The following SPRED1 variants were observed in gnomAD, a reference collection of about 807,000 sequenced individuals.
The protein encoded by SPRED1 is sprouty related EVH1 domain containing 1, also known as sprouty-related, EVH1 domain-containing protein 1.
In SPRED1, 18 loss-of-function variants were observed where a neutral mutation model predicts 52.3. The observed-to-expected ratio is 0.34, with a 90% CI of 0.24 to 0.51. SPRED1 has a LOEUF of 0.51. Ranked by LOEUF, SPRED1 falls within the 20% of genes least tolerant of loss-of-function variation. SPRED1 has a pLI of 0.97. For synonymous variants in SPRED1, 155 were observed against 179.7 expected (o/e 0.86, Z 1.10); for missense variants, 485 against 551.0 (o/e 0.88, Z 1.20).
intron 1 of SPRED1, among the ~76,000 whole-genome samples, chr15:38,291,143 G>A (rs1032026076): frequency 2.0e-5 from 3 of 152,116 alleles, no homozygotes; most frequent in African/African-American, 7.2e-5. Flanking sequence ...AAAATAAAGG[G>A]GATACAGGGC....
intron 5 of SPRED1, among the ~76,000 whole-genome samples, chr15:38,346,935 T>C (rs1383247622): frequency 1.3e-5 from 2 of 152,198 alleles, no homozygotes; most frequent in African/African-American, 4.8e-5. Flanking sequence ...TATGGCCTTG[T>C]TACTAGGTAA....
At chr15:38,289,781 T>C (rs1055408064) in intron 1 of SPRED1, among the ~76,000 whole-genome samples, 2 of 152,206 alleles carry the variant, frequency 1.3e-5, no homozygotes, top group African/African-American at 2.4e-5. Flanking sequence ...CTGTTTTCTC[T>C]TTTAGAGCTT....
At chr15:38,280,394 C>G (rs1430913449) in intron 1 of SPRED1, among the ~76,000 whole-genome samples, 1 of 152,056 alleles carries the variant, frequency 6.6e-6, no homozygotes, top group Non-Finnish European at 1.5e-5. Flanking sequence ...GATTATTTAG[C>G]TTATAGATGA....
chr15:38,266,837 GAAA>G (rs10711288), intron 1 of SPRED1, among the ~76,000 whole-genome samples: 1 of 150,420 alleles, frequency 6.6e-6, no homozygotes, highest in East Asian at 1.9e-4. Flanking sequence ...GAGCCAAAAA[GAAA>G]AAAAAAAAAT....
At chr15:38,323,194 T>C (rs1400624074) in intron 3 of SPRED1, among the ~76,000 whole-genome samples, 2 of 152,090 alleles carry the variant, frequency 1.3e-5, no homozygotes, top group Non-Finnish European at 2.9e-5. Context: ...TCTGAAAACA[T>C]AAACTGTGAG....
At chr15:38,306,204 A>G (rs1039120209) in intron 2 of SPRED1, among the ~76,000 whole-genome samples, 4 of 152,108 alleles carry the variant, frequency 2.6e-5, no homozygotes, top group Admixed American at 2.0e-4. Flanking sequence ...AATCATTTCC[A>G]TGGTATTTCC....
intron 6 of SPRED1, 138 bp downstream of exon 6, chr15:38,349,661 C>A: frequency 1.6e-6 from 1 of 638,912 alleles, no homozygotes; most frequent in Non-Finnish European, 2.8e-6. Context: ...TGCCTATGTG[C>A]TTAAACGCTG....
chr15:38,339,839 T>C lies in SPRED1; in HGVS notation c.526T>C (p.Ser176Pro). Residue 176 changes from serine to proline, a missense_variant, in exon 5 of 7, where the codon TCT becomes CCT. Ser to Pro is a moderately conservative substitution (Grantham distance 74, BLOSUM62 -1). Around this residue, in one of 5 missense-constraint regions of SPRED1, gnomAD observed 232 missense variants for 231.8 expected, o/e 1.00. Coordinates refer to ENST00000299084, the MANE Select transcript of SPRED1 (RefSeq NM_152594.3). ...EPYRSSNIRP[S>P]PFEDLNARRV... Reference sequence around the variant, plus strand: ...TTATAGAAGCTCAAATATAAGACCTTCTCCCTTTGAAGATCTGAATGCCAG... The same window carrying C: ...TTATAGAAGCTCAAATATAAGACCTCCTCCCTTTGAAGATCTGAATGCCAG... 6.2e-7 allele frequency: 1 copy of C among 1,613,942 alleles called. No individual in the cohort carries two copies. The highest frequency in any genetic ancestry group is 8.5e-7 in the Non-Finnish European group (1 of 1,179,926).
intron 1 of SPRED1, among the ~76,000 whole-genome samples, chr15:38,273,702 A>G (rs1179017594): frequency 6.6e-6 from 1 of 152,160 alleles, no homozygotes; most frequent in Non-Finnish European, 1.5e-5. Flanking sequence ...GCTAAATGAT[A>G]ATTAGCCCAG....
intron 1 of SPRED1, among the ~76,000 whole-genome samples, chr15:38,284,723 T>C (rs2140967381): frequency 6.6e-6 from 1 of 152,326 alleles, no homozygotes; most frequent in African/African-American, 2.4e-5. Flanking sequence ...ATTCCTTGAG[T>C]AAACCTTCTG....
intron 2 of SPRED1, among the ~76,000 whole-genome samples, chr15:38,308,179 C>A (rs1159570555): frequency 1.3e-5 from 2 of 152,154 alleles, no homozygotes; most frequent in African/African-American, 4.8e-5. Flanking sequence ...AAATGTCTCA[C>A]AGACTTTTTA....
At chr15:38,286,542 C>CTTTTTTTTTTTTTT (rs34939270) in intron 1 of SPRED1, among the ~76,000 whole-genome samples, 1 of 147,934 alleles carries the variant, frequency 6.8e-6, no homozygotes, top group African/African-American at 2.5e-5. Context: ...TTACTTATGG[C>CTTTTTTTTTTTTTT]TTTTTTTTTT....
In SPRED1 at chr15:38,352,917, A is replaced by G. The variant is rs1888524652; in HGVS notation, c.*1253A>G. On this transcript the variant is annotated 3_prime_UTR_variant, in exon 7 of 7. Transcript: ENST00000299084. The stretch of plus-strand genomic sequence containing the variant: ...ACATTGTAAATGAAGTATCTTGTAC[A>G]TATAAATTTATTTCTTTTGCAGAGC... 1 of 152,170 alleles carries G rather than the reference A, an allele frequency of 6.6e-6. No individual in the cohort carries two copies. The highest frequency in any genetic ancestry group is 1.5e-5 in the Non-Finnish European group (1 of 67,966). 9.4% of individuals were successfully genotyped at this position (152,170 alleles called of 1,614,324 possible). A position where few individuals can be genotyped will look rare whatever the true frequency, so the allele number is the denominator to read the frequency against.
At chr15:38,331,880 TAATA>T (rs1895813530) in intron 4 of SPRED1, among the ~76,000 whole-genome samples, 1 of 152,146 alleles carries the variant, frequency 6.6e-6, no homozygotes, top group Non-Finnish European at 1.5e-5. Flanking sequence ...TAGGAACTAA[TAATA>T]AATAATACAA....
chr15:38,324,218 T>C (rs1197703848), intron 3 of SPRED1, among the ~76,000 whole-genome samples: 1 of 152,164 alleles, frequency 6.6e-6, no homozygotes, highest in African/African-American at 2.4e-5. Context: ...ATTAATTTAT[T>C]GAAACTAAAG....
chr15:38,278,795 G>T (rs1013040051), intron 1 of SPRED1, among the ~76,000 whole-genome samples: 1 of 144,676 alleles, frequency 6.9e-6, no homozygotes, highest in African/African-American at 2.5e-5. Flanking sequence ...TACATGTTCA[G>T]TACAAACACA....
chr15:38,316,132 CAT>C (rs1895474980), intron 2 of SPRED1, among the ~76,000 whole-genome samples: 1 of 151,978 alleles, frequency 6.6e-6, no homozygotes, highest in Admixed American at 6.6e-5. Flanking sequence ...ACTTTTCACT[CAT>C]ATAAAAATCA....
At chr15:38,261,358 TCA>T (rs1251076193) in intron 1 of SPRED1, among the ~76,000 whole-genome samples, 1 of 152,214 alleles carries the variant, frequency 6.6e-6, no homozygotes, top group Non-Finnish European at 1.5e-5. Flanking sequence ...TTTCTGTTAC[TCA>T]GATGTAGGAT....
chr15:38,327,286 G>C (rs545825360), intron 4 of SPRED1, among the ~76,000 whole-genome samples: 17 of 152,150 alleles, frequency 1.1e-4, no homozygotes, highest in African/African-American at 4.1e-4. Context: ...ATAAATAATT[G>C]GTGTTCAAAG....
Sources: gnomAD v4.1 joint callset for allele counts (sites outside exome capture counted in the v4.1 genomes callset) on GRCh38, gnomAD v4.1.1 for gene constraint, gnomAD v4.1.1 regional missense constraint, MANE v1.5 for transcripts, NCBI Gene and HGNC (gene_info 2026-07-23, HGNC 2026-07-21) for gene names.